GRIP1: variants seen among roughly 807,000 people sequenced by gnomAD.
GRIP1 encodes the protein glutamate receptor interacting protein 1.
In GRIP1, 45 loss-of-function variants were observed where a neutral mutation model predicts 129.9. The observed-to-expected ratio is 0.35, with a 90% confidence interval of 0.27 to 0.44. GRIP1 has a LOEUF of 0.44. GRIP1 is among the 20% of genes least tolerant of loss of function. The probability of loss-of-function intolerance (pLI) is 1.00; values close to 1 mark genes in which losing one functional copy is unlikely to be tolerated. For synonymous variants in GRIP1, 530 were observed against 520.8 expected (o/e 1.02, Z -0.24); for missense variants, 1,196 against 1,396.8 (o/e 0.86, Z 2.29).
chr12:66,362,142 CTTTTTTTTTTTTTT>C (rs10589880), intron 23 of GRIP1, among the ~76,000 whole-genome samples: 1,908 of 91,724 alleles, frequency 0.021, 134 homozygotes, highest in Admixed American at 0.15. Flanking sequence ...CCAATTTAAT[CTTTTTTTTTTTTTT>C]TTTTTTTTTT....
chr12:66,674,037 A>G (rs2136245875), intron 1 of GRIP1, among the ~76,000 whole-genome samples: 1 of 152,308 alleles, frequency 6.6e-6, no homozygotes, highest in Admixed American at 6.5e-5. Context: ...AAAGGGGTGG[A>G]AAGTTAACGA....
At chr12:66,917,108 C>T (rs956410811) in intron 1 of GRIP1, among the ~76,000 whole-genome samples, 7 of 152,104 alleles carry the variant, frequency 4.6e-5, no homozygotes, top group African/African-American at 7.2e-5. Flanking sequence ...GGGTTTTCTC[C>T]GTCTACCATA....
chr12:66,933,627 A>G (rs1252731054), intron 1 of GRIP1, among the ~76,000 whole-genome samples: 1 of 152,300 alleles, frequency 6.6e-6, no homozygotes, highest in East Asian at 1.9e-4. Flanking sequence ...AATGAAATGA[A>G]AAAAGCCACA....
intron 1 of GRIP1, among the ~76,000 whole-genome samples, chr12:66,971,736 G>A (rs753671670): frequency 1.3e-5 from 2 of 152,178 alleles, no homozygotes; most frequent in African/African-American, 4.8e-5. Context: ...ATTGTAACAA[G>A]GTAGTTTAGC....
At chr12:66,637,501 G>A (rs1383067971) in intron 1 of GRIP1, among the ~76,000 whole-genome samples, 1 of 151,630 alleles carries the variant, frequency 6.6e-6, no homozygotes, top group Non-Finnish European at 1.5e-5. Context: ...AAAGCATATA[G>A]CTTAATTTTA....
chr12:66,777,852 G>A (rs1372806157), intron 1 of GRIP1, among the ~76,000 whole-genome samples: 1 of 152,092 alleles, frequency 6.6e-6, no homozygotes, highest in African/African-American at 2.4e-5. Context: ...CAGAAATACA[G>A]GAAGTCTTAT....
chr12:66,577,871 T>C (rs961879994), intron 2 of GRIP1, among the ~76,000 whole-genome samples: 1 of 152,274 alleles, frequency 6.6e-6, no homozygotes, highest in African/African-American at 2.4e-5. Context: ...AGAGGATGAC[T>C]TGAGCCCAGG....
At chr12:67,056,199 T>C (rs2043432926) in intron 1 of GRIP1, among the ~76,000 whole-genome samples, 2 of 152,232 alleles carry the variant, frequency 1.3e-5, no homozygotes, top group African/African-American at 2.4e-5. Context: ...CATTTCATTT[T>C]GCATATAAAT....
At chr12:66,642,400 G>C (rs1011292670) in intron 1 of GRIP1, among the ~76,000 whole-genome samples, 12 of 152,060 alleles carry the variant, frequency 7.9e-5, no homozygotes, top group African/African-American at 2.9e-4. Flanking sequence ...TACAGTGGAA[G>C]GGGAAAGAGG....
chr12:66,352,289 G>A (rs376224697), intron 24 of GRIP1, among the ~76,000 whole-genome samples: 1 of 152,302 alleles, frequency 6.6e-6, no homozygotes, highest in African/African-American at 2.4e-5. Context: ...GTCGCAGCAT[G>A]TGAGCAGGGA....
chr12:66,420,602 T>C, intron 15 of GRIP1, 118 bp downstream of exon 15: 1 of 726,468 alleles, frequency 1.4e-6, no homozygotes, highest in Non-Finnish European at 2.5e-6. Flanking sequence ...AGTGGCTGCT[T>C]GGAAGTTTTT....
At chr12:66,588,993 TAAATAAA>T (rs2063748563) in intron 2 of GRIP1, among the ~76,000 whole-genome samples, 1 of 133,788 alleles carries the variant, frequency 7.5e-6, no homozygotes, top group Non-Finnish European at 1.5e-5. Flanking sequence ...AAAAATTAAA[TAAATAAA>T]TAAATAAATA....
chr12:66,986,132 T>C (rs7316556), intron 1 of GRIP1, among the ~76,000 whole-genome samples: 62,036 of 152,026 alleles, frequency 0.41, 13,667 homozygotes, highest in Non-Finnish European at 0.48. Context: ...AAGCAAGTGA[T>C]ACACTTGTGT....
At chr12:66,801,850 C>T (rs900272769) in intron 1 of GRIP1, among the ~76,000 whole-genome samples, 4 of 152,066 alleles carry the variant, frequency 2.6e-5, no homozygotes, top group African/African-American at 9.7e-5. Context: ...TAAATTCCAC[C>T]ACGTTTTCAG....
intron 1 of GRIP1, among the ~76,000 whole-genome samples, chr12:66,730,701 C>CA (rs3051132): frequency 0.15 from 10,979 of 71,020 alleles, 870 homozygotes; most frequent in East Asian, 0.35. Context: ...GGGTCATCTA[C>CA]AAAAAAAAAA....
intron 2 of GRIP1, chr12:66,569,231 C>A: frequency 5.5e-6 from 1 of 180,470 alleles, no homozygotes; most frequent in South Asian, 1.1e-4. Context: ...GTAATCCCAG[C>A]ACTTTGGGAG....
At chr12:66,606,282 T>A (rs1010159398) in intron 1 of GRIP1, among the ~76,000 whole-genome samples, 1 of 152,082 alleles carries the variant, frequency 6.6e-6, no homozygotes, top group Admixed American at 6.6e-5. Context: ...AAACCTCAGG[T>A]TGATGTCCCT....
chr12:66,488,082 T>C (rs879837432), intron 7 of GRIP1, among the ~76,000 whole-genome samples: 1 of 152,056 alleles, frequency 6.6e-6, no homozygotes, highest in Non-Finnish European at 1.5e-5. Context: ...AGATAGAAAA[T>C]TAGTGAAGAT....
chr12:66,549,206 C>T (rs902846660), intron 2 of GRIP1, among the ~76,000 whole-genome samples: 23 of 152,186 alleles, frequency 1.5e-4, no homozygotes, highest in Admixed American at 3.9e-4. Flanking sequence ...GCTGGATGAA[C>T]GAGCACATCA....
Sources: allele counts gnomAD v4.1 joint callset (sites outside exome capture counted in the v4.1 genomes callset), GRCh38; gene constraint gnomAD v4.1.1; transcripts MANE v1.5; gene names NCBI Gene and HGNC (gene_info 2026-07-23, HGNC 2026-07-21).